Variants in CYP2C19 observed in about 807,000 individuals in gnomAD.
CYP2C19 encodes cytochrome P450 family 2 subfamily C member 19.
A neutral mutation model predicts 40.9 loss-of-function variants in CYP2C19; 59 were observed. That is an observed-to-expected ratio of 1.44 (90% CI 1.17 to 1.79). The LOEUF is 1.79. Among genes scored for constraint, CYP2C19 ranks in the 40% most tolerant of loss-of-function variants. CYP2C19 has a pLI of 0.00. For synonymous variants in CYP2C19, 253 were observed against 208.7 expected (o/e 1.21, Z -1.83); for missense variants, 754 against 596.9 (o/e 1.26, Z -2.74).
rs1464751231 is a variant in CYP2C19 at position 94,854,260 on chromosome 10, C to G, written c.*1346C>G. ...TCTTGAACTCCTGACCTCAAGTGAT[C>G]CACCCACCTCAGCCTCCCAAACTGC... On this transcript the variant is annotated 3_prime_UTR_variant, in exon 9 of 9. Coordinates refer to ENST00000371321, the MANE Select transcript of CYP2C19 (RefSeq NM_000769.4). 6.6e-6 allele frequency among the ~76,000 whole-genome samples: 1 copy of G among 152,038 alleles called. No homozygotes were observed. Among genetic ancestry groups the G allele is most frequent in the Non-Finnish European group, 1.5e-5 (1 of 67,996 alleles).
chr10:94,800,857 T>A (rs1220082528), intron 5 of CYP2C19, among the ~76,000 whole-genome samples: 1 of 152,182 alleles, frequency 6.6e-6, no homozygotes, highest in Non-Finnish European at 1.5e-5. Context: ...AGTCTGCCTG[T>A]TGCTAAGACC....
In CYP2C19 at chr10:94,828,015, T is replaced by C. The variant is rs577605627; in HGVS notation, c.961+7378T>C. 1.9e-3 allele frequency among the ~76,000 whole-genome samples: 293 copies of C among 152,188 alleles called. 2 individuals carry two copies. In the South Asian group the frequency reaches 0.028, roughly 15 times the overall value. On this transcript the variant is annotated intron_variant, in intron 6 of 8. Coordinates refer to ENST00000371321, the MANE Select transcript of CYP2C19 (RefSeq NM_000769.4). ...ATCCCGAGTTCTAGTTTGATTGCAC[T>C]GTGGTCTGAGAGACAGTTTGCCATA...
At chr10:94,847,297 A>T (rs1849586104) in intron 7 of CYP2C19, among the ~76,000 whole-genome samples, 1 of 152,016 alleles carries the variant, frequency 6.6e-6, no homozygotes, top group Non-Finnish European at 1.5e-5. Context: ...CTCATTGTTC[A>T]ATTCCCACCT....
intron 7 of CYP2C19, among the ~76,000 whole-genome samples, chr10:94,848,873 CTGTT>C (rs1280111655): frequency 6.6e-6 from 1 of 152,124 alleles, no homozygotes; most frequent in Non-Finnish European, 1.5e-5. Context: ...ATTTGGCTCT[CTGTT>C]TGTCTGTTAT....
At chr10:94,822,054 T>C (rs752969657) in intron 6 of CYP2C19, among the ~76,000 whole-genome samples, 1 of 152,210 alleles carries the variant, frequency 6.6e-6, no homozygotes, top group African/African-American at 2.4e-5. Flanking sequence ...TGGTTTTCTG[T>C]TCTTGTATTA....
At chr10:94,818,894 C>T (rs569896774) in intron 5 of CYP2C19, among the ~76,000 whole-genome samples, 4 of 152,234 alleles carry the variant, frequency 2.6e-5, no homozygotes, top group African/African-American at 9.6e-5. Context: ...CCTTCTCCTG[C>T]CTGATTGCCC....
At chr10:94,796,505 A>G (rs1404787295) in intron 5 of CYP2C19, among the ~76,000 whole-genome samples, 1 of 152,120 alleles carries the variant, frequency 6.6e-6, no homozygotes, top group East Asian at 1.9e-4. Flanking sequence ...CAAGATCTTT[A>G]AAGTAGCTTT....
intron 1 of CYP2C19, among the ~76,000 whole-genome samples, chr10:94,763,754 C>A (rs1022749723): frequency 2.4e-4 from 37 of 151,850 alleles, no homozygotes; most frequent in Middle Eastern, 3.4e-3. Context: ...TTTGAAGGCC[C>A]CGTGTTATTA....
intron 8 of CYP2C19, among the ~76,000 whole-genome samples, chr10:94,850,319 C>A (rs1849633904): frequency 6.6e-6 from 1 of 152,112 alleles, no homozygotes; most frequent in African/African-American, 2.4e-5. Flanking sequence ...TCTAGATACA[C>A]CACTGAGGTA....
intron 5 of CYP2C19, among the ~76,000 whole-genome samples, chr10:94,793,763 G>A (rs117381226): frequency 0.068 from 10,381 of 152,134 alleles, 410 homozygotes; most frequent in South Asian, 0.12. Context: ...GGTGTCAGTC[G>A]GCCCCTACTA....
At chr10:94,799,292 G>C (rs191884254) in intron 5 of CYP2C19, among the ~76,000 whole-genome samples, 27 of 151,770 alleles carry the variant, frequency 1.8e-4, no homozygotes, top group African/African-American at 6.3e-4. Context: ...GAAATTCTGG[G>C]TTGAAAATTC....
At chr10:94,775,916 G>A (rs765695460) in intron 3 of CYP2C19, 5 of 290,452 alleles carry the variant, frequency 1.7e-5, no homozygotes, top group Non-Finnish European at 2.6e-5. Flanking sequence ...AAGTGGACAT[G>A]GTGGAAATGG....
chr10:94,803,664 A>G (rs1848796145), intron 5 of CYP2C19, among the ~76,000 whole-genome samples: 1 of 152,180 alleles, frequency 6.6e-6, no homozygotes, highest in Non-Finnish European at 1.5e-5. Flanking sequence ...TGTGCTAGCC[A>G]TGGAGCTAAG....
chr10:94,840,455 G>A (rs1408992391), intron 6 of CYP2C19, among the ~76,000 whole-genome samples: 1 of 152,102 alleles, frequency 6.6e-6, no homozygotes, highest in Non-Finnish European at 1.5e-5. Context: ...GCCTAAGGAT[G>A]CAGCGTAGAG....
At chr10:94,818,469 A>G (rs1269064736) in intron 5 of CYP2C19, among the ~76,000 whole-genome samples, 1 of 151,238 alleles carries the variant, frequency 6.6e-6, no homozygotes, top group Non-Finnish European at 1.5e-5. Flanking sequence ...GAATCTGTAA[A>G]TTACCTTGGG....
rs1051273017 is a variant in CYP2C19, at chr10:94,853,106, A to G, written c.*192A>G. The G allele has an allele frequency of 6.4e-5, 39 of 607,722 alleles. 1 individual carries two copies. Among genetic ancestry groups the G allele is most frequent in the Non-Finnish European group, 4.9e-5 (17 of 350,414 alleles). 37.6% of individuals were successfully genotyped at this position (607,722 alleles called of 1,614,324 possible). ...ATATATCTGCTATTCCCCATACTCT[A>G]TAATAGTTACATTGAGTGCCACATA... On this transcript the variant is annotated 3_prime_UTR_variant, in exon 9 of 9. Transcript: ENST00000371321.
At chr10:94,773,673 T>G (rs780411849) in intron 1 of CYP2C19, among the ~76,000 whole-genome samples, 1 of 152,178 alleles carries the variant, frequency 6.6e-6, no homozygotes, top group Admixed American at 6.5e-5. Context: ...TATCTGGAGT[T>G]GTTCGTTCCT....
intron 4 of CYP2C19, 40 bp from the exon 5 acceptor site, chr10:94,781,781 T>G (rs57752480): frequency 2.6e-6 from 3 of 1,141,854 alleles, no homozygotes; most frequent in Non-Finnish European, 3.5e-6. Context: ...TATACCTTTA[T>G]TAAATGCTTT....
chr10:94,823,026 G>A (rs558387260), intron 6 of CYP2C19, among the ~76,000 whole-genome samples: 1 of 152,128 alleles, frequency 6.6e-6, no homozygotes, highest in Admixed American at 6.6e-5. Context: ...AGTCAATAAA[G>A]CTTTAACAAA....
Sources: allele counts gnomAD v4.1 joint callset (sites outside exome capture counted in the v4.1 genomes callset), GRCh38; gene constraint gnomAD v4.1.1; transcripts MANE v1.5; gene names NCBI Gene and HGNC (gene_info 2026-07-23, HGNC 2026-07-21).